Variants in FAM193B observed in about 807,000 individuals in gnomAD.
FAM193B encodes the protein family with sequence similarity 193 member B, also known as protein FAM193B.
Under a neutral mutation model 70.7 loss-of-function variants are expected in FAM193B, and 27 were observed. The ratio of observed to expected loss-of-function variants is 0.38; its 90% confidence interval spans 0.28 to 0.53. The LOEUF (loss-of-function observed/expected upper bound fraction) is 0.53, where lower values mean the gene tolerates loss of function less well. FAM193B is among the 20% of genes least tolerant of loss of function. FAM193B has a pLI of 0.81. For synonymous variants in FAM193B, 448 were observed against 436.0 expected, an observed-to-expected ratio of 1.03 and a Z score of -0.34; for missense variants, 1,022 against 1,072.5, an observed-to-expected ratio of 0.95 and a Z score of 0.66.
intron 5 of FAM193B, among the ~76,000 whole-genome samples, chr5:177,529,601 G>A (rs1287070606): frequency 6.6e-6 from 1 of 152,178 alleles, no homozygotes; most frequent in Non-Finnish European, 1.5e-5. Flanking sequence ...GAGTACAGTG[G>A]AAGTTACCCA....
intron 8 of FAM193B, among the ~76,000 whole-genome samples, 178 bp from the exon 9 acceptor site, chr5:177,520,359 C>T (rs544440842): frequency 1.2e-4 from 19 of 152,204 alleles, no homozygotes; most frequent in Non-Finnish European, 2.6e-4. Flanking sequence ...TGCAGGTTAA[C>T]GGGTTGGGAG....
At chr5:177,542,451 G>T (rs1047231959) in intron 1 of FAM193B, among the ~76,000 whole-genome samples, 2 of 152,210 alleles carry the variant, frequency 1.3e-5, no homozygotes, top group Non-Finnish European at 2.9e-5. Flanking sequence ...TCATTAACAC[G>T]ACAGGAACAA....
intron 4 of FAM193B, among the ~76,000 whole-genome samples, chr5:177,533,452 C>G (rs986117323): frequency 6.6e-6 from 1 of 151,936 alleles, no homozygotes; most frequent in African/African-American, 2.4e-5. Flanking sequence ...CTACAGGCGC[C>G]CGCAACCACG....
chr5:177,547,442 G>A (rs1338807589), intron 1 of FAM193B, among the ~76,000 whole-genome samples: 4 of 150,560 alleles, frequency 2.7e-5, no homozygotes, highest in Admixed American at 6.6e-5. Context: ...GCGCCACCAT[G>A]CCCGGCTAAT....
At chr5:177,549,787 C>T (rs1301485346) in intron 1 of FAM193B, among the ~76,000 whole-genome samples, 3 of 152,208 alleles carry the variant, frequency 2.0e-5, no homozygotes, top group Non-Finnish European at 4.4e-5. Flanking sequence ...TCACAGCATG[C>T]GAATGGCTGG....
At chr5:177,529,936 G>A (rs750926496) in intron 5 of FAM193B, among the ~76,000 whole-genome samples, 6 of 152,174 alleles carry the variant, frequency 3.9e-5, no homozygotes, top group South Asian at 4.2e-4. Flanking sequence ...TTCAGGCGGC[G>A]GGAGAAGGAT....
At chr5:177,551,854 T>C (rs962221849) in intron 1 of FAM193B, among the ~76,000 whole-genome samples, 3 of 152,170 alleles carry the variant, frequency 2.0e-5, no homozygotes, top group South Asian at 2.1e-4. Flanking sequence ...AAAAACACGC[T>C]TGTAGGCAGA....
chr5:177,541,682 G>A (rs1462294242), intron 1 of FAM193B, among the ~76,000 whole-genome samples: 1 of 152,192 alleles, frequency 6.6e-6, no homozygotes, highest in Non-Finnish European at 1.5e-5. Context: ...GCCTCCCAAA[G>A]TACTAGGATT....
intron 5 of FAM193B, chr5:177,525,534 T>G: frequency 4.3e-6 from 1 of 231,940 alleles, no homozygotes; most frequent in Non-Finnish European, 8.3e-6. Flanking sequence ...AGACCACTAC[T>G]AGAGAGGCAT....
intron 4 of FAM193B, among the ~76,000 whole-genome samples, chr5:177,535,987 A>G (rs1181929788): frequency 6.6e-6 from 1 of 151,092 alleles, no homozygotes; most frequent in African/African-American, 2.4e-5. Flanking sequence ...CAATGCTCAC[A>G]GCAACCCTAA....
intron 1 of FAM193B, among the ~76,000 whole-genome samples, chr5:177,540,231 T>C (rs1581910518): frequency 1.4e-5 from 2 of 145,270 alleles, no homozygotes; most frequent in African/African-American, 2.6e-5. Context: ...CGCTTGAACC[T>C]GGGAGGCGGA....
chr5:177,524,453 C>T lies in FAM193B; in HGVS notation c.2028G>A (p.Arg676=), dbSNP rs766276191. 1.9e-6 allele frequency: 3 copies of T among 1,610,818 alleles called. No individual in the cohort carries two copies. The East Asian group carries it at 6.7e-5, about 36-fold the overall frequency. The change falls in exon 6 of 9, where the codon AGG becomes AGA. Residue 676 remains arginine, a synonymous_variant. Coordinates refer to ENST00000514747, the MANE Select transcript of FAM193B (RefSeq NM_001190946.3). ...TGCCTACTTTGGGAAGCTCTAGGAC[C>T]CTGCCTGGCTGCTTGGGGCCAGCGA... ...GQVAGPKQPG[R]VLELPKVGSC...
Position 177,522,101 on chromosome 5 carries a change from A to G in FAM193B, c.2373-30T>C, listed in dbSNP as rs1312691335. ...TGGGTTTGGGGGACACATGAGAAGC[A>G]CAATCAGAGGTTCATTCTTTTGCTC... On this transcript the variant is annotated intron_variant, in intron 7 of 8. Coordinates refer to ENST00000514747, the MANE Select transcript of FAM193B (RefSeq NM_001190946.3). 4 of 1,570,042 alleles carry G rather than the reference A, an allele frequency of 2.5e-6. No homozygotes were observed. In the Admixed American group the frequency reaches 6.7e-5, roughly 26 times the overall value.
intron 3 of FAM193B, among the ~76,000 whole-genome samples, chr5:177,537,444 A>G (rs1764304116): frequency 6.6e-6 from 1 of 152,234 alleles, no homozygotes; most frequent in Non-Finnish European, 1.5e-5. Flanking sequence ...TTACACTGCC[A>G]ATCTCTTGGG....
At chr5:177,542,779 T>C (rs900084580) in intron 1 of FAM193B, among the ~76,000 whole-genome samples, 5 of 152,216 alleles carry the variant, frequency 3.3e-5, no homozygotes, top group Admixed American at 6.5e-5. Flanking sequence ...CACTGTGCCT[T>C]GGTTACAGTA....
chr5:177,528,633 C>A (rs1428132945), intron 5 of FAM193B, among the ~76,000 whole-genome samples: 1 of 152,196 alleles, frequency 6.6e-6, no homozygotes, highest in African/African-American at 2.4e-5. Context: ...GTGGGAGAAT[C>A]CCTGTATAAT....
At chr5:177,547,141 C>T (rs1225808756) in intron 1 of FAM193B, 2 of 152,156 alleles carry the variant, frequency 1.3e-5, no homozygotes, top group Non-Finnish European at 2.9e-5. Context: ...GTTGTGAGGA[C>T]AGAAGGAAAT....
chr5:177,547,816 A>C (rs1765646387), intron 1 of FAM193B, among the ~76,000 whole-genome samples: 1 of 152,166 alleles, frequency 6.6e-6, no homozygotes, highest in African/African-American at 2.4e-5. Context: ...AGGGGGAAAT[A>C]ATAAAGGGAG....
chr5:177,553,544 G>A, intron 1 of FAM193B: 1 of 1,135,218 alleles, frequency 8.8e-7, no homozygotes. Flanking sequence ...CTTCCAGGTG[G>A]CAAGCTGGAA....
Sources: gnomAD v4.1 joint callset for allele counts (sites outside exome capture counted in the v4.1 genomes callset) on GRCh38, gnomAD v4.1.1 for gene constraint, MANE v1.5 for transcripts, NCBI Gene and HGNC (gene_info 2026-07-23, HGNC 2026-07-21) for gene names.